The following CADM2 variants were observed in gnomAD, a reference collection of about 807,000 sequenced individuals.
CADM2 encodes immunoglobulin superfamily member 4D.
CADM2 carries 12 observed loss-of-function variants against 49.8 expected under a neutral mutation model. The observed-to-expected ratio is 0.24, with a 90% CI of 0.15 to 0.39. The LOEUF (loss-of-function observed/expected upper bound fraction) is 0.39. Among genes scored for constraint, CADM2 ranks in the 10% least tolerant of loss-of-function variants. CADM2 has a pLI of 1.00. For missense variants in CADM2, 378 were observed against 492.3 expected (o/e 0.77, Z 2.20); for synonymous variants, 214 against 175.4 (o/e 1.22, Z -1.74).
intron 1 of CADM2, among the ~76,000 whole-genome samples, chr3:85,102,327 T>C (rs903623714): frequency 6.6e-6 from 1 of 152,162 alleles, no homozygotes; most frequent in African/African-American, 2.4e-5. Flanking sequence ...CAAATATTGC[T>C]GGGGAGACAA....
At chr3:85,543,429 T>TGTGTGTGTGTGTGGGTGTGG (rs1559898990) in intron 1 of CADM2, among the ~76,000 whole-genome samples, 4 of 56,772 alleles carry the variant, frequency 7.0e-5, no homozygotes, top group Non-Finnish European at 2.4e-4. Context: ...AATGTGTGTG[T>TGTGTGTGTGTGTGGGTGTGG]GTGTGTGTGT....
chr3:85,321,582 A>C (rs184473870), intron 1 of CADM2, among the ~76,000 whole-genome samples: 84 of 152,266 alleles, frequency 5.5e-4, no homozygotes, highest in Non-Finnish European at 9.7e-4. Flanking sequence ...GTTGTTCTCA[A>C]TATCACTTTT....
intron 1 of CADM2, among the ~76,000 whole-genome samples, chr3:85,390,995 A>C (rs1244020213): frequency 6.6e-6 from 1 of 152,064 alleles, no homozygotes; most frequent in Non-Finnish European, 1.5e-5. Context: ...TCCTAGGTGC[A>C]TCTAGACACC....
At chr3:86,043,833 A>T (rs1045151179) in intron 8 of CADM2, among the ~76,000 whole-genome samples, 2 of 152,210 alleles carry the variant, frequency 1.3e-5, no homozygotes, top group Non-Finnish European at 2.9e-5. Context: ...ACAGTAAACA[A>T]AACAGCATGG....
intron 1 of CADM2, among the ~76,000 whole-genome samples, chr3:85,012,318 C>CAT (rs531784412): frequency 4.2e-5 from 6 of 142,108 alleles, no homozygotes; most frequent in Non-Finnish European, 7.8e-5. Flanking sequence ...TTGCAAAATG[C>CAT]TTTTTTTTTT....
chr3:85,984,681 G>A (rs1727880829), intron 8 of CADM2, among the ~76,000 whole-genome samples: 1 of 151,842 alleles, frequency 6.6e-6, no homozygotes, highest in South Asian at 2.1e-4. Context: ...ATTACTAAGA[G>A]TGGATTCAAA....
chr3:85,187,221 G>A (rs62250650), intron 1 of CADM2, among the ~76,000 whole-genome samples: 4,281 of 152,132 alleles, frequency 0.028, 107 homozygotes, highest in Non-Finnish European at 0.046. Context: ...GCAATTGCAT[G>A]GTTTTGGAAG....
At chr3:85,048,023 T>C (rs2035733676) in intron 1 of CADM2, among the ~76,000 whole-genome samples, 1 of 152,228 alleles carries the variant, frequency 6.6e-6, no homozygotes, top group Admixed American at 6.6e-5. Flanking sequence ...CATAATATGC[T>C]CAGCACCATG....
At chr3:85,864,924 G>T (rs2075669772) in intron 3 of CADM2, among the ~76,000 whole-genome samples, 3 of 151,880 alleles carry the variant, frequency 2.0e-5, no homozygotes, top group Non-Finnish European at 4.4e-5. Context: ...TCCCATCTCT[G>T]TATTCACTCT....
At chr3:85,235,319 A>T (rs1214330806) in intron 1 of CADM2, among the ~76,000 whole-genome samples, 8 of 152,062 alleles carry the variant, frequency 5.3e-5, no homozygotes, top group African/African-American at 9.7e-5. Flanking sequence ...ACTTCCTGGG[A>T]CCTCTATGCC....
At chr3:85,985,898 G>A (rs1728045875) in intron 8 of CADM2, among the ~76,000 whole-genome samples, 1 of 151,992 alleles carries the variant, frequency 6.6e-6, no homozygotes, top group Admixed American at 6.6e-5. Context: ...CATATTTAAT[G>A]TGGACATTTT....
chr3:85,609,560 A>G (rs191705922), intron 1 of CADM2, among the ~76,000 whole-genome samples: 67 of 152,114 alleles, frequency 4.4e-4, no homozygotes, highest in Non-Finnish European at 7.2e-4. Flanking sequence ...AAATGTGTCA[A>G]CTCTGTTGAA....
chr3:84,964,098 G>A (rs1306941880), intron 1 of CADM2, among the ~76,000 whole-genome samples: 1 of 152,080 alleles, frequency 6.6e-6, no homozygotes, highest in Admixed American at 6.5e-5. Context: ...TTAGAACTCT[G>A]GGAACATAAC....
intron 1 of CADM2, among the ~76,000 whole-genome samples, chr3:85,058,305 G>A (rs1268222276): frequency 6.6e-6 from 1 of 152,032 alleles, no homozygotes; most frequent in East Asian, 1.9e-4. Flanking sequence ...AAATCTGGGA[G>A]GTTATGTATA....
At chr3:85,125,568 C>A (rs1161109379) in intron 1 of CADM2, among the ~76,000 whole-genome samples, 1 of 152,098 alleles carries the variant, frequency 6.6e-6, no homozygotes, top group Non-Finnish European at 1.5e-5. Flanking sequence ...CCATGTGGCC[C>A]ACGCTGGTCT....
intron 3 of CADM2, among the ~76,000 whole-genome samples, chr3:85,858,919 C>T (rs972246298): frequency 1.3e-5 from 2 of 152,088 alleles, no homozygotes; most frequent in Admixed American, 1.3e-4. Flanking sequence ...GTTTAGTAAA[C>T]AAATGGATGC....
chr3:85,602,164 A>T (rs1207823645), intron 1 of CADM2, among the ~76,000 whole-genome samples: 1 of 151,828 alleles, frequency 6.6e-6, no homozygotes, highest in Non-Finnish European at 1.5e-5. Context: ...TTAAGAGTGT[A>T]CGGTTGAAGC....
chr3:85,543,954 A>G (rs1200313906), intron 1 of CADM2, among the ~76,000 whole-genome samples: 1 of 152,214 alleles, frequency 6.6e-6, no homozygotes, highest in Non-Finnish European at 1.5e-5. Context: ...AAGCATAAAT[A>G]TCAAAGCATA....
chr3:85,114,315 G>C (rs923586579), intron 1 of CADM2, among the ~76,000 whole-genome samples: 1 of 152,086 alleles, frequency 6.6e-6, no homozygotes, highest in Non-Finnish European at 1.5e-5. Context: ...TAGGTGTGGA[G>C]AGAGACAAGG....
Sources: allele counts gnomAD v4.1 joint callset (sites outside exome capture counted in the v4.1 genomes callset), GRCh38; gene constraint gnomAD v4.1.1; transcripts MANE v1.5; gene names NCBI Gene and HGNC (gene_info 2026-07-23, HGNC 2026-07-21).